The following PPM1J variants were observed in gnomAD, a reference collection of about 807,000 sequenced individuals.
PPM1J encodes protein phosphatase, Mg2+/Mn2+ dependent 1J, also known as protein phosphatase 1J.
In PPM1J, 43 loss-of-function variants were observed where a neutral mutation model predicts 53.3. The ratio of observed to expected loss-of-function variants is 0.81; its 90% CI spans 0.63 to 1.04. The LOEUF (loss-of-function observed/expected upper bound fraction) is 1.04. Ranked by LOEUF, PPM1J falls within the 50% of genes least tolerant of loss-of-function variation. The pLI, the probability that PPM1J is intolerant of heterozygous loss-of-function variation, is 0.00. For synonymous variants in PPM1J, 267 were observed against 286.4 expected (o/e 0.93, Z 0.68); for missense variants, 635 against 685.9 (o/e 0.93, Z 0.83).
chr1:112,710,029 T>C lies in PPM1J; in HGVS notation c.*134A>G. ...CATCTCGTTTATTTGCCAATAGCTG[T>C]AATTTTGGATATAGCGGACATCCCT... On this transcript the variant is annotated 3_prime_UTR_variant, in exon 10 of 10. Transcript: ENST00000309276. 3 of 1,455,128 alleles carry C rather than the reference T, an allele frequency of 2.1e-6. No individual in the cohort carries two copies. The highest frequency in any genetic ancestry group is 3.7e-4 in the Middle Eastern group (2 of 5,346). 90.1% of individuals were successfully genotyped at this position (1,455,128 alleles called of 1,614,324 possible).
At chr1:112,714,486 G>T in intron 1 of PPM1J, 15 of 986,968 alleles carry the variant, frequency 1.5e-5, no homozygotes, top group Non-Finnish European at 1.8e-5. Flanking sequence ...GGTGTCGCGG[G>T]CTATTTCTGG....
intron 5 of PPM1J, 89 bp from the exon 6 acceptor site, chr1:112,711,473 C>A (rs1467543337): frequency 9.7e-6 from 7 of 721,408 alleles, no homozygotes; most frequent in Admixed American, 2.5e-5. Flanking sequence ...CTACAGCAGA[C>A]CCTTAAACAG....
chr1:112,710,050 T>A lies in PPM1J; in HGVS notation c.*113A>T, dbSNP rs1429638615. The A allele has an allele frequency of 7.5e-6, 11 of 1,469,676 alleles. No individual in the cohort carries two copies. Among genetic ancestry groups the A allele is most frequent in the Non-Finnish European group, 9.9e-6 (11 of 1,113,194 alleles). 91.0% of individuals were successfully genotyped at this position (1,469,676 alleles called of 1,614,324 possible). On this transcript the variant is annotated 3_prime_UTR_variant, in exon 10 of 10. Transcript: ENST00000309276. ...GCTGTAATTTTGGATATAGCGGACA[T>A]CCCTTCTTCAGTTAAGTTGCCACTA...
Position 112,712,327 on chromosome 1 carries a change from G to A in PPM1J, c.842+18C>T, listed in dbSNP as rs1675082746. The A allele has an allele frequency of 2.5e-6, 4 of 1,576,028 alleles. No individual in the cohort carries two copies. The highest frequency in any genetic ancestry group is 1.4e-5 in the African/African-American group (1 of 73,844). ...AGTGTGGCCCTCTGTCGCCACCTTGGAGCCCCCTCCCCCATACCTGCTATC... is the reference window on the plus strand; with the variant it reads ...AGTGTGGCCCTCTGTCGCCACCTTGAAGCCCCCTCCCCCATACCTGCTATC... On this transcript the variant is annotated intron_variant, in intron 4 of 9. Transcript: ENST00000309276.
chr1:112,714,559 G>A (rs1035060685), intron 1 of PPM1J: 90 of 1,001,418 alleles, frequency 9.0e-5, no homozygotes, highest in Non-Finnish European at 1.0e-4. Flanking sequence ...GAGCCGGGAA[G>A]CGGGTGAGCG....
At position 112,710,756 on chromosome 1, in the gene PPM1J, G is replaced by A. The variant is rs754940696; in HGVS notation, c.1206C>T (p.Ser402=). ...SSTLPIKPFL[S]CFPEVRVYDL... The stretch of plus-strand genomic sequence containing the variant: ...TTAAGGGGCTCACCTCAGGGAAGCA[G>A]GAGAGAAAGGGCTTGATGGGCAGGG... Residue 402 remains serine, a synonymous_variant, in exon 8 of 10, where the codon TCC becomes TCT. Transcript: ENST00000309276. 3.7e-6 allele frequency: 6 copies of A among 1,614,160 alleles called. No individual in the cohort carries two copies. In the South Asian group the frequency reaches 4.4e-5, roughly 12 times the overall value.
At chr1:112,712,169 C>T in intron 4 of PPM1J, 114 bp from the exon 5 acceptor site, 1 of 1,006,828 alleles carries the variant, frequency 9.9e-7, no homozygotes, top group Non-Finnish European at 1.5e-6. Flanking sequence ...TTACCCAGAC[C>T]CCCATATCTG....
chr1:112,715,088 AG>A lies in PPM1J; in HGVS notation c.213del (p.Leu73CysfsTer3). On this transcript the variant is annotated frameshift_variant, in exon 1 of 10. Transcript: ENST00000309276. LOFTEE classifies it high-confidence loss of function. The surrounding 1 kb of genome is among the most constrained non-coding windows in gnomAD (Gnocchi z 4.4). ...VEARASFSRP[T>X]FLQLSPGGLR... is the part of the protein sequence containing the mutation. ...AGCCCCCCGGGGCTCAGCTGCAGAA[AG>A]GTCGGTCTGGAGAAGCTCGCTCGAG... The A allele has an allele frequency of 1.3e-6, 2 of 1,563,312 alleles. No individual in the cohort carries two copies. Among genetic ancestry groups the A allele is most frequent in the Non-Finnish European group, 1.7e-6 (2 of 1,164,176 alleles).
At chr1:112,714,821 G>T (rs891583918) in intron 1 of PPM1J, 155 bp downstream of exon 1, 61 of 1,282,496 alleles carry the variant, frequency 4.8e-5, no homozygotes, top group Non-Finnish European at 5.3e-5. Flanking sequence ...TTGGGAGGGG[G>T]TGCGGCCCGA....
rs1557783459 is a variant in PPM1J at position 112,712,045 on chromosome 1, C to T, written c.853G>A (p.Val285Ile). The T allele has an allele frequency of 4.4e-6, 7 of 1,609,048 alleles. No individual in the cohort carries two copies. Among genetic ancestry groups the T allele is most frequent in the Non-Finnish European group, 5.1e-6 (6 of 1,176,568 alleles). The part of the protein sequence containing the change: ...ANAGDSRAII[V>I]RNGEIIPMSR... ...ATTGGAATGATTTCACCATTCCGGA[C>T]AATGATGGCCCTGCCCAAAGAAAGA... Residue 285 changes from valine (V) to isoleucine (I), a missense_variant, in exon 5 of 10, where the codon GTC (valine) becomes ATC (isoleucine). Coordinates refer to ENST00000309276, the MANE Select transcript of PPM1J (RefSeq NM_005167.7).
In PPM1J at chr1:112,714,956, G is replaced by T. The variant is rs762360408; in HGVS notation, c.326+20C>A. The T allele has an allele frequency of 1.5e-6, 2 of 1,370,974 alleles. No individual in the cohort carries two copies. Among genetic ancestry groups the T allele is most frequent in the African/African-American group, 3.0e-5 (2 of 65,698 alleles). The allele number at this position is 1,370,974 out of a possible 1,614,324, so 84.9% of individuals were successfully genotyped here. On this transcript the variant is annotated intron_variant, in intron 1 of 9. Coordinates refer to ENST00000309276, the MANE Select transcript of PPM1J (RefSeq NM_005167.7). ...GGGTGGGAGCCCCATCCTGGTTTGG[G>T]TGCCCCAGGGGGCGCTCACTCGGCG...
intron 5 of PPM1J, 22 bp from the exon 6 acceptor site, chr1:112,711,406 A>C: frequency 6.7e-7 from 1 of 1,484,656 alleles, no homozygotes; most frequent in Non-Finnish European, 9.3e-7. Flanking sequence ...GATGATCAGA[A>C]CAGAGAGCCA....
chr1:112,713,403 A>T (rs1471406119), intron 2 of PPM1J, 94 bp downstream of exon 2: 1 of 846,196 alleles, frequency 1.2e-6, no homozygotes, highest in African/African-American at 1.7e-5. Context: ...CAGTGAGTTC[A>T]TCAGGTCTTC....
At chr1:112,714,658 C>T (rs988396541) in intron 1 of PPM1J, 81 of 1,188,350 alleles carry the variant, frequency 6.8e-5, no homozygotes, top group Non-Finnish European at 8.1e-5. Flanking sequence ...TGCCGGGCCG[C>T]GACGGGGAAC....
Position 112,714,491 on chromosome 1 carries a change from T to C in PPM1J, c.326+485A>G, listed in dbSNP as rs1675146669. ...GCGGCCTCCTGGTGTCGCGGGCTAT[T>C]TCTGGGTGTGGAGGGGGAGGGGAAC... On this transcript the variant is annotated intron_variant, in intron 1 of 9. Coordinates refer to ENST00000309276, the MANE Select transcript of PPM1J (RefSeq NM_005167.7). 10 of 986,788 alleles carry C rather than the reference T, an allele frequency of 1.0e-5. No homozygotes were observed. In the South Asian group the frequency reaches 1.4e-4, roughly 14 times the overall value. 61.1% of individuals were successfully genotyped at this position (986,788 alleles called of 1,614,324 possible). A position where few individuals can be genotyped will look rare whatever the true frequency, so the allele number is the denominator to read the frequency against.
chr1:112,714,248 C>T (rs1675139398), intron 1 of PPM1J: 1 of 985,870 alleles, frequency 1.0e-6, no homozygotes, highest in East Asian at 1.1e-4. Context: ...CATGGGCCAC[C>T]AGCCACCTTC....
rs1488157330 is a variant in PPM1J, at chr1:112,715,017, C to T, written c.285G>A (p.Pro95=). The T allele has an allele frequency of 2.0e-6, 3 of 1,482,936 alleles. No homozygotes were observed. Among genetic ancestry groups the T allele is most frequent in the South Asian group, 2.6e-5 (2 of 76,720 alleles). The allele number at this position is 1,482,936 out of a possible 1,614,324, so 91.9% of individuals were successfully genotyped here. A position where few individuals can be genotyped will look rare whatever the true frequency, so the allele number is the denominator to read the frequency against. Residue 95 remains proline, a synonymous_variant, in exon 1 of 10, where the codon CCG becomes CCA. Coordinates refer to ENST00000309276, the MANE Select transcript of PPM1J (RefSeq NM_005167.7). This position sits in a 1 kb window ranked among gnomAD's most constrained non-coding sequence, Gnocchi z 4.4. Reference sequence around the variant, plus strand: ...TCCAGGGCAGGCGGCGGCCCGTGTCCGGGGGGCTTTGCACAGCCCGGCCCG... The same window carrying T: ...TCCAGGGCAGGCGGCGGCCCGTGTCTGGGGGGCTTTGCACAGCCCGGCCCG... ...DHAGRAVQSP[P]DTGRRLPWST... is the part of the protein sequence containing the mutation.
rs147524456 is a variant in PPM1J, at chr1:112,711,161, G to A, written c.1047-90C>T. On this transcript the variant is annotated intron_variant, in intron 6 of 9. Coordinates refer to ENST00000309276, the MANE Select transcript of PPM1J (RefSeq NM_005167.7). ...ATACCCTCACACAAACCCCTTAGAA[G>A]GGCCACATCCTCCCAACTCCCAGCC... 7.9e-4 allele frequency: 1,168 copies of A among 1,475,350 alleles called. 5 individuals carry two copies. The African/African-American group carries it at 0.013, about 16-fold the overall frequency. 91.4% of individuals were successfully genotyped at this position (1,475,350 alleles called of 1,614,324 possible). A position where few individuals can be genotyped will look rare whatever the true frequency, so the allele number is the denominator to read the frequency against.
At chr1:112,711,184 G>T in intron 6 of PPM1J, 82 bp downstream of exon 6, 2 of 1,459,404 alleles carry the variant, frequency 1.4e-6, no homozygotes, top group Non-Finnish European at 9.6e-7. Context: ...CCAACTCCCA[G>T]CCTCCAGCTT....
Sources: allele counts gnomAD v4.1 joint callset, GRCh38; gene constraint gnomAD v4.1.1; non-coding constraint Gnocchi (gnomAD v3.1); transcripts MANE v1.5; gene names NCBI Gene and HGNC (gene_info 2026-07-23, HGNC 2026-07-21).